Variants in RIMBP2 observed in about 807,000 individuals in gnomAD.
RIMBP2 encodes RIMS binding protein 2, also known as RIMS-binding protein 2.
Under a neutral mutation model 118.6 loss-of-function variants are expected in RIMBP2, and 48 were observed. The ratio of observed to expected loss-of-function variants is 0.40; its 90% CI spans 0.32 to 0.51. The LOEUF (loss-of-function observed/expected upper bound fraction) is 0.51, where lower values mean the gene tolerates loss of function less well. Ranked by LOEUF, RIMBP2 falls within the 20% of genes least tolerant of loss-of-function variation. RIMBP2 has a pLI of 0.41. For missense variants in RIMBP2, 1,551 were observed against 1,768.3 expected (o/e 0.88, Z 2.20); for synonymous variants, 762 against 742.9 (o/e 1.03, Z -0.42).
chr12:130,491,716 G>A (rs7316767), intron 4 of RIMBP2, among the ~76,000 whole-genome samples: 9 of 152,248 alleles, frequency 5.9e-5, no homozygotes, highest in South Asian at 4.1e-4. Flanking sequence ...CCCTGACACC[G>A]GGCTTCCGCC....
At chr12:130,462,676 C>G (rs1167965492) in intron 6 of RIMBP2, among the ~76,000 whole-genome samples, 1 of 152,174 alleles carries the variant, frequency 6.6e-6, no homozygotes, top group East Asian at 1.9e-4. Context: ...TTGCCCTAGT[C>G]CCTGTGCAGT....
At chr12:130,438,222 G>T in intron 12 of RIMBP2, 143 bp downstream of exon 12, 1 of 867,696 alleles carries the variant, frequency 1.2e-6, no homozygotes, top group Non-Finnish European at 1.8e-6. Context: ...GGTTCACGCT[G>T]ATGGAGTCTT....
intron 21 of RIMBP2, among the ~76,000 whole-genome samples, chr12:130,400,037 G>T (rs75932074): frequency 0.056 from 8,578 of 152,250 alleles, 282 homozygotes; most frequent in Middle Eastern, 0.15. Flanking sequence ...CCTGTTCAGT[G>T]AGGAGCTGAG....
intron 2 of RIMBP2, among the ~76,000 whole-genome samples, chr12:130,598,553 C>G (rs2059686278): frequency 6.6e-6 from 1 of 151,932 alleles, no homozygotes; most frequent in South Asian, 2.1e-4. Flanking sequence ...ACGGTGAAAC[C>G]CCATCTCTAC....
intron 5 of RIMBP2, among the ~76,000 whole-genome samples, 191 bp from the exon 6 acceptor site, chr12:130,470,934 A>G (rs12306054): frequency 0.27 from 40,460 of 152,172 alleles, 6,685 homozygotes; most frequent in Non-Finnish European, 0.35. Context: ...GGTTTGCTGT[A>G]CAGATAAATT....
intron 2 of RIMBP2, among the ~76,000 whole-genome samples, chr12:130,589,385 CT>C: frequency 6.6e-6 from 1 of 152,316 alleles, no homozygotes; most frequent in Admixed American, 6.5e-5. Flanking sequence ...GAAAATAGCT[CT>C]TGGTGAAAAG....
intron 8 of RIMBP2, 121 bp downstream of exon 8, chr12:130,451,074 A>T: frequency 8.2e-7 from 1 of 1,216,650 alleles, no homozygotes; most frequent in South Asian, 1.4e-5. Context: ...AAAGGGAAGA[A>T]CCAACCAGAA....
At chr12:130,507,129 G>A (rs1454138830) in intron 3 of RIMBP2, among the ~76,000 whole-genome samples, 2 of 152,188 alleles carry the variant, frequency 1.3e-5, no homozygotes, top group Non-Finnish European at 2.9e-5. Context: ...ATGAGATCTT[G>A]CACTTGTATA....
chr12:130,560,459 C>A (rs73156926), intron 2 of RIMBP2, among the ~76,000 whole-genome samples: 17,707 of 150,346 alleles, frequency 0.12, 1,312 homozygotes, highest in Non-Finnish European at 0.18. Flanking sequence ...TGCCACTAGA[C>A]CCCCCACCGG....
intron 4 of RIMBP2, 74 bp downstream of exon 4, chr12:130,506,574 T>C (rs1212895110): frequency 2.1e-6 from 2 of 970,646 alleles, no homozygotes; most frequent in East Asian, 2.3e-4. Flanking sequence ...CTGCTCGGGG[T>C]CCTGCAGCCC....
Position 130,581,755 on chromosome 12 carries a change from A to G in RIMBP2, c.-217+46567T>C, listed in dbSNP as rs1488271017. Among the ~76,000 whole-genome samples, 3 of 152,162 alleles carry G rather than the reference A, an allele frequency of 2.0e-5. No individual in the cohort carries two copies. Among genetic ancestry groups the G allele is most frequent in the Non-Finnish European group, 4.4e-5 (3 of 68,030 alleles). ...GCCGGGTTATGAGAATGGCCTCTCAATGGGTTTCTCCTGGTCTGTTCTTAC... is the reference window on the plus strand; with the variant it reads ...GCCGGGTTATGAGAATGGCCTCTCAGTGGGTTTCTCCTGGTCTGTTCTTAC... On this transcript the variant is annotated intron_variant, in intron 2 of 22. Transcript: ENST00000690449. The surrounding 1 kb of genome is among the most constrained non-coding windows in gnomAD (Gnocchi z 4.4).
chr12:130,606,003 G>A (rs1016397111), intron 2 of RIMBP2, among the ~76,000 whole-genome samples: 3 of 152,112 alleles, frequency 2.0e-5, no homozygotes, highest in African/African-American at 7.2e-5. Flanking sequence ...AGGAGGCAGA[G>A]GTTGCAGTAA....
chr12:130,456,412 C>T (rs1160496026), intron 7 of RIMBP2, 84 bp downstream of exon 7: 7 of 1,257,390 alleles, frequency 5.6e-6, no homozygotes, highest in African/African-American at 1.5e-5. Context: ...GTCACCAAAC[C>T]GATTTCACCT....
At chr12:130,657,326 G>A (rs1325035430) in intron 1 of RIMBP2, among the ~76,000 whole-genome samples, 1 of 152,164 alleles carries the variant, frequency 6.6e-6, no homozygotes, top group Non-Finnish European at 1.5e-5. Flanking sequence ...TGGGAGTTAG[G>A]ACTTCAACAC....
chr12:130,691,301 TG>T, intron 1 of RIMBP2, among the ~76,000 whole-genome samples: 1 of 152,188 alleles, frequency 6.6e-6, no homozygotes, highest in Non-Finnish European at 1.5e-5. Flanking sequence ...CCGAGGAATG[TG>T]TGCTCACAAA....
In RIMBP2 at chr12:130,518,266, A is replaced by C. The variant is rs546912858; in HGVS notation, c.-216-349T>G. Among the ~76,000 whole-genome samples the C allele has an allele frequency of 3.3e-4, 51 of 152,330 alleles. No homozygotes were observed. In the South Asian group the frequency reaches 0.01, roughly 31 times the overall value. On this transcript the variant is annotated intron_variant, in intron 2 of 22. Coordinates refer to ENST00000690449, the MANE Select transcript of RIMBP2 (RefSeq NM_001393629.1). ...TTTTCCCGTGAACACTGCTCCAAAC[A>C]TACAGCCACAATAAACAATAGACAG...
rs2058276433 is a variant in RIMBP2 at position 130,578,931 on chromosome 12, A to G, written c.-217+49391T>C. On this transcript the variant is annotated intron_variant, in intron 2 of 22. Transcript: ENST00000690449. The surrounding 1 kb of genome is among the most constrained non-coding windows in gnomAD (Gnocchi z 4.1). Reference sequence around the variant, plus strand: ...TTCATAGTTCTGCGGTGAAATATGTAAATACAAATCAAGTGGGATTAAAAA... The same window carrying G: ...TTCATAGTTCTGCGGTGAAATATGTGAATACAAATCAAGTGGGATTAAAAA... 6.6e-6 allele frequency among the ~76,000 whole-genome samples: 1 copy of G among 152,166 alleles called. No individual in the cohort carries two copies. The highest frequency in any genetic ancestry group is 1.5e-5 in the Non-Finnish European group (1 of 68,042).
chr12:130,531,888 TGC>T (rs2053421449), intron 2 of RIMBP2, among the ~76,000 whole-genome samples: 2 of 151,348 alleles, frequency 1.3e-5, no homozygotes, highest in Non-Finnish European at 2.9e-5. Context: ...TCTAATGAGA[TGC>T]GTATGTTTAG....
At chr12:130,494,156 G>A (rs1166573223) in intron 4 of RIMBP2, among the ~76,000 whole-genome samples, 1 of 152,154 alleles carries the variant, frequency 6.6e-6, no homozygotes, top group Non-Finnish European at 1.5e-5. Context: ...CGCTCATTCT[G>A]TATCACTGCG....
Sources: allele counts gnomAD v4.1 joint callset (sites outside exome capture counted in the v4.1 genomes callset), GRCh38; gene constraint gnomAD v4.1.1; non-coding constraint Gnocchi (gnomAD v3.1); transcripts MANE v1.5; gene names NCBI Gene and HGNC (gene_info 2026-07-23, HGNC 2026-07-21).